GIMD1: variants seen among roughly 807,000 people sequenced by gnomAD.
The protein encoded by GIMD1 is GTPase IMAP family member GIMD1.
GIMD1 carries 14 observed loss-of-function variants against 14.9 expected under a neutral mutation model. The observed-to-expected ratio is 0.94, with a 90% CI of 0.62 to 1.47. GIMD1 has a LOEUF of 1.47. Ranked by LOEUF, GIMD1 falls within the 40% of genes most tolerant of loss-of-function variation. The pLI, the probability that GIMD1 is intolerant of heterozygous loss-of-function variation, is 0.00. For synonymous variants in GIMD1, 91 were observed against 90.5 expected (o/e 1.01, Z -0.03); for missense variants, 272 against 255.3 (o/e 1.07, Z -0.44).
At chr4:106,363,864 A>G (rs893857141) in intron 2 of GIMD1, among the ~76,000 whole-genome samples, 1 of 134,890 alleles carries the variant, frequency 7.4e-6, no homozygotes, top group African/African-American at 2.8e-5. Flanking sequence ...GTACGCAGTA[A>G]TAATACAGAA....
chr4:106,366,676 G>C (rs1213341329), intron 2 of GIMD1, among the ~76,000 whole-genome samples: 1 of 152,088 alleles, frequency 6.6e-6, no homozygotes, highest in Non-Finnish European at 1.5e-5. Context: ...AAACAGCCCA[G>C]TTGATTCTGA....
intron 1 of GIMD1, among the ~76,000 whole-genome samples, chr4:106,368,383 G>C (rs973308697): frequency 6.6e-6 from 1 of 152,148 alleles, no homozygotes; most frequent in Non-Finnish European, 1.5e-5. Context: ...CAGAAATAAA[G>C]ACATTTTAAT....
chr4:106,359,670 T>G (rs1446119032), intron 2 of GIMD1, among the ~76,000 whole-genome samples: 1 of 150,462 alleles, frequency 6.6e-6, no homozygotes, highest in South Asian at 2.1e-4. Context: ...AAATACAGGA[T>G]TAGAATTTAT....
In GIMD1 at chr4:106,367,270, G is replaced by A; in HGVS notation, c.166C>T (p.His56Tyr). 6.5e-7 allele frequency: 1 copy of A among 1,535,872 alleles called. No homozygotes were observed. Among genetic ancestry groups the A allele is most frequent in the Non-Finnish European group, 8.7e-7 (1 of 1,146,752 alleles). ...AGCCCACCTCGACGCATGAAGCTGTGGAGGTGACAACTGCGGCCCAGGCTA... is the reference window on the plus strand; with the variant it reads ...AGCCCACCTCGACGCATGAAGCTGTAGAGGTGACAACTGCGGCCCAGGCTA... ...CCSLGRSCHLHSFMRRGGLEV... is the reference protein window; with the variant it reads ...CCSLGRSCHLYSFMRRGGLEV... Residue 56 changes from histidine to tyrosine, a missense_variant, in exon 2 of 3, where the codon CAC becomes TAC. Coordinates refer to ENST00000638719, the MANE Select transcript of GIMD1 (RefSeq NM_001195138.2).
intron 2 of GIMD1, among the ~76,000 whole-genome samples, chr4:106,359,717 G>A (rs1361880736): frequency 6.6e-6 from 1 of 150,704 alleles, no homozygotes; most frequent in Non-Finnish European, 1.5e-5. Context: ...AAAAGAAGAA[G>A]GAAATAAGAA....
rs1407180801 is a variant in GIMD1, at chr4:106,367,070, T to C, written c.366A>G (p.Glu122=). The C allele has an allele frequency of 6.5e-7, 1 of 1,532,322 alleles. No individual in the cohort carries two copies. The highest frequency in any genetic ancestry group is 8.7e-7 in the Non-Finnish European group (1 of 1,144,946). The allele number at this position is 1,532,322 out of a possible 1,614,324, so 94.9% of individuals were successfully genotyped here. Residue 122 remains glutamate (E), a synonymous_variant, in exon 2 of 3, where the codon GAA becomes GAG. Transcript: ENST00000638719. Reference sequence around the variant, plus strand: ...GGATCATCTGGACTGGGTCAGTTACTTCCTGCCCACAGAAAGGCACATCTG... The same window carrying C: ...GGATCATCTGGACTGGGTCAGTTACCTCCTGCCCACAGAAAGGCACATCTG... ...QRADVPFCGQ[E]VTDPVQMIQE...
At chr4:106,368,525 C>A (rs539426976) in intron 1 of GIMD1, among the ~76,000 whole-genome samples, 185 bp downstream of exon 1, 4 of 152,274 alleles carry the variant, frequency 2.6e-5, no homozygotes. Context: ...CTTGAAGGAG[C>A]TTCATACCTC....
In GIMD1 at chr4:106,367,074, T is replaced by C. The variant is rs1770713157; in HGVS notation, c.362A>G (p.Gln121Arg). ...VQRADVPFCG[Q>R]EVTDPVQMIQ... ...CATCTGGACTGGGTCAGTTACTTCC[T>C]GCCCACAGAAAGGCACATCTGCTCT... The change falls in exon 2 of 3, where the codon CAG becomes CGG. Residue 121 changes from glutamine (Q) to arginine (R), a missense_variant. By Grantham distance (43) the Gln-to-Arg change is conservative (BLOSUM62 1). Coordinates refer to ENST00000638719, the MANE Select transcript of GIMD1 (RefSeq NM_001195138.2). 2.0e-6 allele frequency: 3 copies of C among 1,533,136 alleles called. No homozygotes were observed. Among genetic ancestry groups the C allele is most frequent in the Non-Finnish European group, 2.6e-6 (3 of 1,145,268 alleles). 95.0% of individuals were successfully genotyped at this position (1,533,136 alleles called of 1,614,324 possible).
chr4:106,366,859 A>G (rs1241457486), intron 2 of GIMD1, among the ~76,000 whole-genome samples, 184 bp downstream of exon 2: 1 of 151,328 alleles, frequency 6.6e-6, no homozygotes, highest in African/African-American at 2.4e-5. Flanking sequence ...ACTTGGGAAA[A>G]TCAAATAATT....
intron 2 of GIMD1, among the ~76,000 whole-genome samples, chr4:106,363,770 G>A (rs757343677): frequency 7.3e-5 from 11 of 150,674 alleles, no homozygotes; most frequent in Non-Finnish European, 1.2e-4. Flanking sequence ...TAGCTTTTCC[G>A]AGCTTTTTGT....
chr4:106,366,776 T>C (rs1032049782), intron 2 of GIMD1, among the ~76,000 whole-genome samples: 5 of 151,972 alleles, frequency 3.3e-5, no homozygotes, highest in Admixed American at 2.0e-4. Context: ...AAGTTTAATA[T>C]CTCAATTTTT....
At chr4:106,360,162 A>G (rs1022379593) in intron 2 of GIMD1, among the ~76,000 whole-genome samples, 3 of 151,868 alleles carry the variant, frequency 2.0e-5, no homozygotes, top group South Asian at 4.1e-4. Context: ...TTTGCAGTTT[A>G]TCATCATGAA....
intron 1 of GIMD1, among the ~76,000 whole-genome samples, chr4:106,368,124 A>C (rs1171518997): frequency 1.3e-5 from 2 of 152,196 alleles, no homozygotes; most frequent in Non-Finnish European, 2.9e-5. Flanking sequence ...TAATTAATAA[A>C]TCATCTCTAT....
At chr4:106,366,026 AT>A (rs1770694527) in intron 2 of GIMD1, among the ~76,000 whole-genome samples, 1 of 151,946 alleles carries the variant, frequency 6.6e-6, no homozygotes, top group Non-Finnish European at 1.5e-5. Flanking sequence ...TCCTCTCCTT[AT>A]TCACAGTTGA....
chr4:106,363,642 C>T (rs994554516), intron 2 of GIMD1, among the ~76,000 whole-genome samples: 5 of 151,946 alleles, frequency 3.3e-5, no homozygotes, highest in African/African-American at 1.2e-4. Context: ...GAATTGAAAC[C>T]AAGAAAGTTT....
intron 2 of GIMD1, among the ~76,000 whole-genome samples, chr4:106,363,872 G>A (rs1330940675): frequency 2.9e-5 from 3 of 103,746 alleles, no homozygotes; most frequent in African/African-American, 1.3e-4. Context: ...TAATAATACA[G>A]AATACCATAA....
chr4:106,365,296 G>T (rs1354945606), intron 2 of GIMD1, among the ~76,000 whole-genome samples: 5 of 151,560 alleles, frequency 3.3e-5, no homozygotes, highest in Admixed American at 3.3e-4. Flanking sequence ...TGTATAGCAG[G>T]TCCTTGGTTT....
chr4:106,364,757 A>G (rs1300575008), intron 2 of GIMD1, among the ~76,000 whole-genome samples: 6 of 152,172 alleles, frequency 3.9e-5, no homozygotes, highest in African/African-American at 1.4e-4. Flanking sequence ...TGCTGCCTTC[A>G]GTTCCTGAAT....
chr4:106,361,957 T>C (rs1770619149), intron 2 of GIMD1, among the ~76,000 whole-genome samples: 1 of 152,094 alleles, frequency 6.6e-6, no homozygotes, highest in African/African-American at 2.4e-5. Context: ...ACTTTCATAG[T>C]ATTTCTTTTG....
Sources: gnomAD v4.1 joint callset for allele counts (sites outside exome capture counted in the v4.1 genomes callset) on GRCh38, gnomAD v4.1.1 for gene constraint, MANE v1.5 for transcripts, NCBI Gene and HGNC (gene_info 2026-07-23, HGNC 2026-07-21) for gene names.